CEP192: variants seen among roughly 807,000 people sequenced by gnomAD.
CEP192 encodes the protein centrosomal protein of 192 kDa.
In CEP192, 151 loss-of-function variants were observed where a neutral mutation model predicts 271.8. That is an observed-to-expected ratio of 0.56 (90% CI 0.49 to 0.64). The LOEUF (loss-of-function observed/expected upper bound fraction) is 0.64, where lower values mean the gene tolerates loss of function less well. CEP192 is among the 30% of genes least tolerant of loss of function. The pLI is 0.00. For missense variants in CEP192, 2,910 were observed against 3,020.5 expected, an observed-to-expected ratio of 0.96 and a Z score of 0.86; for synonymous variants, 995 against 1,076.5, an observed-to-expected ratio of 0.92 and a Z score of 1.48.
intron 3 of CEP192, among the ~76,000 whole-genome samples, chr18:13,003,183 T>G (rs1390117814): frequency 6.6e-6 from 1 of 152,088 alleles, no homozygotes; most frequent in Non-Finnish European, 1.5e-5. Flanking sequence ...GCATGATGGC[T>G]CTTGCCTGTA....
At chr18:13,098,386 G>T (rs960544144) in intron 36 of CEP192, among the ~76,000 whole-genome samples, 3 of 152,134 alleles carry the variant, frequency 2.0e-5, no homozygotes, top group African/African-American at 7.2e-5. Flanking sequence ...TCCCAGACGG[G>T]GCGGCTGCCG....
Position 13,001,509 on chromosome 18 carries a change from T to C in CEP192, c.217T>C (p.Ser73Pro). ...YLVEGRFSVP[S>P]GSSPGSQSDA... ...AGTAGAAGGGAGATTTTCAGTTCCA[T>C]CCGGGTCATCTCCCGGAAGCCAGAG... Residue 73 changes from serine to proline, a missense_variant, in exon 3 of 45, where the codon TCC becomes CCC. By Grantham distance (74) the Ser-to-Pro change is moderately conservative. Coordinates refer to ENST00000506447, the MANE Select transcript of CEP192 (RefSeq NM_032142.4). 1 of 1,550,400 alleles carries C rather than the reference T, an allele frequency of 6.4e-7. No individual in the cohort carries two copies. The highest frequency in any genetic ancestry group is 2.0e-5 in the Admixed American group (1 of 50,950).
At chr18:13,008,744 C>A in intron 4 of CEP192, 113 bp downstream of exon 4, 2 of 826,700 alleles carry the variant, frequency 2.4e-6, no homozygotes, top group Non-Finnish European at 3.7e-6. Flanking sequence ...ACTCCTGTCG[C>A]CCAGGCTGGA....
In CEP192 at chr18:13,097,789, A is replaced by T. The variant is rs7243000; in HGVS notation, c.6557+1482A>T. The stretch of plus-strand genomic sequence containing the variant: ...TGGTTTTCCTAGGCAGAGGACCCTG[A>T]GGCCTTCCGCAGTGTTTGTGTCCCT... On this transcript the variant is annotated intron_variant, in intron 36 of 44. Transcript: ENST00000506447. Among the ~76,000 whole-genome samples the T allele has an allele frequency of 1.6e-3, 242 of 150,170 alleles. 1 individual carries two copies. The Middle Eastern group carries it at 0.021, about 13-fold the overall frequency.
intron 25 of CEP192, 37 bp downstream of exon 25, chr18:13,069,028 A>T (rs2037866967): frequency 6.2e-7 from 1 of 1,613,978 alleles, no homozygotes. Context: ...TACTGCTTTC[A>T]TTCATGCTGA....
chr18:13,008,455 G>C lies in CEP192; in HGVS notation c.291-1G>C. The C allele has an allele frequency of 5.2e-6, 8 of 1,534,058 alleles. 1 individual carries two copies. In the Middle Eastern group the frequency reaches 1.4e-3, roughly 270 times the overall value. Reference sequence around the variant, plus strand: ...CATTCTTCTGTTTCCTAATAAAAAAGTTCTATCTCTAGGAAAAAGAGCTAT... The same window carrying C: ...CATTCTTCTGTTTCCTAATAAAAAACTTCTATCTCTAGGAAAAAGAGCTAT... On this transcript the variant is annotated splice_acceptor_variant, in intron 3 of 44. Coordinates refer to ENST00000506447, the MANE Select transcript of CEP192 (RefSeq NM_032142.4). LOFTEE classifies it high-confidence loss of function.
intron 33 of CEP192, among the ~76,000 whole-genome samples, chr18:13,091,781 C>G (rs2144747124): frequency 6.6e-6 from 1 of 152,214 alleles, no homozygotes; most frequent in Admixed American, 6.5e-5. Context: ...AACACTCTTT[C>G]ATTAATCTAT....
At chr18:13,085,281 C>G (rs998376134) in intron 30 of CEP192, among the ~76,000 whole-genome samples, 3 of 151,850 alleles carry the variant, frequency 2.0e-5, no homozygotes, top group Non-Finnish European at 4.4e-5. Flanking sequence ...TTTGTAGATT[C>G]TGGATATCAG....
chr18:13,040,118 A>G (rs975015455), intron 13 of CEP192, among the ~76,000 whole-genome samples: 2 of 152,216 alleles, frequency 1.3e-5, no homozygotes, highest in East Asian at 3.8e-4. Flanking sequence ...GAATTATAGT[A>G]AGGAAAGATA....
At chr18:13,104,290 C>T (rs553674009) in intron 39 of CEP192, among the ~76,000 whole-genome samples, 6 of 152,018 alleles carry the variant, frequency 3.9e-5, no homozygotes, top group East Asian at 3.9e-4. Context: ...CGGAGCTGAG[C>T]GCTCTTTGCC....
At chr18:13,010,388 G>T (rs1451941855) in intron 4 of CEP192, among the ~76,000 whole-genome samples, 1 of 152,042 alleles carries the variant, frequency 6.6e-6, no homozygotes, top group Non-Finnish European at 1.5e-5. Flanking sequence ...CACATTATAT[G>T]TTAGAAAAAT....
At chr18:13,108,373 C>A (rs2040053275) in intron 40 of CEP192, among the ~76,000 whole-genome samples, 1 of 152,162 alleles carries the variant, frequency 6.6e-6, no homozygotes, top group Non-Finnish European at 1.5e-5. Context: ...AGACAACCTA[C>A]AAAAGAGGAG....
At chr18:13,087,687 A>G (rs970341777) in intron 32 of CEP192, 41 bp downstream of exon 32, 2 of 1,024,904 alleles carry the variant, frequency 2.0e-6, no homozygotes. Flanking sequence ...ACCATTCAGC[A>G]GAAATAATGA....
Position 13,068,151 on chromosome 18 carries a change from G to C in CEP192, c.4672G>C (p.Glu1558Gln). Residue 1558 changes from glutamate (E) to glutamine (Q), a missense_variant, in exon 23 of 45, where the codon GAA (glutamate) becomes CAA (glutamine). By Grantham distance (29) the Glu-to-Gln change is conservative. Coordinates refer to ENST00000506447, the MANE Select transcript of CEP192 (RefSeq NM_032142.4). ...CAAGGAATCCGTCCGAGCTCCTGTG[G>C]AAGTTGCTCCTTGCGCTGATGTGGT... ...FSKESVRAPV[E>Q]VAPCADVVTR... 1.2e-6 allele frequency: 2 copies of C among 1,614,220 alleles called. No homozygotes were observed. Among genetic ancestry groups the C allele is most frequent in the South Asian group, 2.2e-5 (2 of 91,090 alleles).
chr18:12,997,335 T>C (rs1226079746), intron 1 of CEP192, among the ~76,000 whole-genome samples: 1 of 152,010 alleles, frequency 6.6e-6, no homozygotes, highest in African/African-American at 2.4e-5. Flanking sequence ...GAACAAAGAG[T>C]TAAGTTACCT....
chr18:13,064,924 T>C (rs1457036141), intron 21 of CEP192, among the ~76,000 whole-genome samples: 1 of 152,184 alleles, frequency 6.6e-6, no homozygotes, highest in Non-Finnish European at 1.5e-5. Flanking sequence ...TGGAATGTTT[T>C]TCTATTTTTT....
At chr18:12,996,494 T>C (rs1047900492) in intron 1 of CEP192, among the ~76,000 whole-genome samples, 4 of 152,114 alleles carry the variant, frequency 2.6e-5, no homozygotes, top group African/African-American at 7.2e-5. Context: ...GTTGAATACC[T>C]GAGGTTCGGG....
At chr18:12,999,308 T>TA (rs985594523) in intron 1 of CEP192, 113 bp from the exon 2 acceptor site, 133 of 830,188 alleles carry the variant, frequency 1.6e-4, no homozygotes, top group Non-Finnish European at 2.3e-4. Context: ...TTACTAATGC[T>TA]AAAAAAAGGA....
At chr18:13,009,008 CTTTTTGT>C (rs1188818166) in intron 4 of CEP192, among the ~76,000 whole-genome samples, 23 of 113,554 alleles carry the variant, frequency 2.0e-4, no homozygotes, top group African/African-American at 8.6e-4. Flanking sequence ...TGTGCCTGGC[CTTTTTGT>C]TTTTTTTTTT....
Sources: gnomAD v4.1 joint callset for allele counts (sites outside exome capture counted in the v4.1 genomes callset) on GRCh38, gnomAD v4.1.1 for gene constraint, MANE v1.5 for transcripts, NCBI Gene and HGNC (gene_info 2026-07-23, HGNC 2026-07-21) for gene names.